Variants in KCNB2 observed in about 807,000 individuals in gnomAD.
The protein encoded by KCNB2 is delayed rectifier potassium channel protein.
In KCNB2, 15 loss-of-function variants were observed where a neutral mutation model predicts 61.5. That is an observed-to-expected ratio of 0.24 (90% CI 0.16 to 0.38). The LOEUF (loss-of-function observed/expected upper bound fraction) is 0.38. KCNB2 is among the 10% of genes least tolerant of loss of function. The pLI is 1.00. For synonymous variants in KCNB2, 457 were observed against 446.0 expected (o/e 1.02, Z -0.31); for missense variants, 828 against 1,125.2 (o/e 0.74, Z 3.78).
At chr8:72,799,319 C>G (rs1809084457) in intron 2 of KCNB2, among the ~76,000 whole-genome samples, 3 of 152,108 alleles carry the variant, frequency 2.0e-5, no homozygotes, top group Admixed American at 6.6e-5. Flanking sequence ...CTCCTGACCC[C>G]CATCTAAAAA....
chr8:72,713,874 G>A (rs1391339839), intron 2 of KCNB2, among the ~76,000 whole-genome samples: 1 of 152,126 alleles, frequency 6.6e-6, no homozygotes, highest in Non-Finnish European at 1.5e-5. Context: ...GCTAAAGGAG[G>A]AAGTTCGAAA....
chr8:72,738,594 G>A (rs1375660092), intron 2 of KCNB2, among the ~76,000 whole-genome samples: 1 of 152,158 alleles, frequency 6.6e-6, no homozygotes, highest in East Asian at 1.9e-4. Flanking sequence ...AATGTGGGGA[G>A]CCACATAAAG....
chr8:72,779,407 C>A (rs1400110739), intron 2 of KCNB2, among the ~76,000 whole-genome samples: 1 of 152,138 alleles, frequency 6.6e-6, no homozygotes, highest in African/African-American at 2.4e-5. Context: ...ATTTCTTGGG[C>A]AGAATGTCCA....
intron 2 of KCNB2, among the ~76,000 whole-genome samples, chr8:72,843,919 G>A (rs553042253): frequency 1.3e-5 from 2 of 152,208 alleles, no homozygotes; most frequent in East Asian, 1.9e-4. Flanking sequence ...TTTAACTGGG[G>A]CATTTAGCCC....
intron 2 of KCNB2, among the ~76,000 whole-genome samples, chr8:72,712,069 A>G (rs1425428116): frequency 1.3e-5 from 2 of 152,236 alleles, no homozygotes; most frequent in African/African-American, 2.4e-5. Context: ...TTCTAAATGT[A>G]TGCTCAAATA....
In KCNB2 at chr8:72,619,593, T is replaced by C. The variant is rs970978202; in HGVS notation, c.579+51280T>C. ...CTTTCTCCTCCTGGGGCTCCATAGC[T>C]GCCACTCCTGCCACTTCACACGGAA... On this transcript the variant is annotated intron_variant, in intron 2 of 2. Coordinates refer to ENST00000523207, the MANE Select transcript of KCNB2 (RefSeq NM_004770.3). Among the ~76,000 whole-genome samples the C allele has an allele frequency of 8.6e-5, 13 of 151,988 alleles. No individual in the cohort carries two copies. In the East Asian group the frequency reaches 2.5e-3, roughly 29 times the overall value.
At chr8:72,561,748 T>C (rs1229870678) in intron 1 of KCNB2, among the ~76,000 whole-genome samples, 2 of 25,850 alleles carry the variant, frequency 7.7e-5, no homozygotes, top group African/African-American at 3.0e-4. Flanking sequence ...TATATATATG[T>C]ATATATATAT....
chr8:72,799,360 A>G (rs912582042), intron 2 of KCNB2, among the ~76,000 whole-genome samples: 2 of 152,154 alleles, frequency 1.3e-5, no homozygotes, highest in African/African-American at 4.8e-5. Flanking sequence ...ATACGCATTA[A>G]GGACTCAACT....
chr8:72,839,292 C>T (rs952932884), intron 2 of KCNB2, among the ~76,000 whole-genome samples: 1 of 152,116 alleles, frequency 6.6e-6, no homozygotes, highest in South Asian at 2.1e-4. Flanking sequence ...CAAGAAAGAA[C>T]ACAAATTTAC....
chr8:72,644,813 T>C (rs1263218689), intron 2 of KCNB2, among the ~76,000 whole-genome samples: 4 of 152,180 alleles, frequency 2.6e-5, no homozygotes, highest in African/African-American at 9.7e-5. Context: ...TTGTTTCTCT[T>C]GCTTTACAAA....
chr8:72,903,315 C>A (rs1451602126), intron 2 of KCNB2, among the ~76,000 whole-genome samples: 1 of 152,094 alleles, frequency 6.6e-6, no homozygotes, highest in Non-Finnish European at 1.5e-5. Flanking sequence ...GAGGTTGAGT[C>A]CTGGCAGGGA....
chr8:72,593,257 GTATTT>G (rs1314461384), intron 2 of KCNB2, among the ~76,000 whole-genome samples: 1 of 152,128 alleles, frequency 6.6e-6, no homozygotes, highest in Non-Finnish European at 1.5e-5. Flanking sequence ...GTGGAGAGAA[GTATTT>G]TAAAGTATAA....
At chr8:72,825,333 T>C (rs978081926) in intron 2 of KCNB2, among the ~76,000 whole-genome samples, 1 of 152,208 alleles carries the variant, frequency 6.6e-6, no homozygotes, top group African/African-American at 2.4e-5. Context: ...TTTTTGTATG[T>C]GTAAGTAATG....
intron 2 of KCNB2, among the ~76,000 whole-genome samples, chr8:72,682,188 T>G (rs1047924223): frequency 1.3e-5 from 2 of 152,140 alleles, no homozygotes; most frequent in Admixed American, 6.5e-5. Context: ...TTGAAATACA[T>G]TATACTGTGT....
chr8:72,686,860 G>A (rs574865059), intron 2 of KCNB2, among the ~76,000 whole-genome samples: 2 of 152,254 alleles, frequency 1.3e-5, no homozygotes, highest in South Asian at 4.1e-4. Context: ...TTAAATGTAT[G>A]ACCTAAATAG....
chr8:72,757,899 A>C (rs953004137), intron 2 of KCNB2, among the ~76,000 whole-genome samples: 32 of 152,324 alleles, frequency 2.1e-4, no homozygotes, highest in Non-Finnish European at 3.7e-4. Flanking sequence ...CTTCAAGTTC[A>C]AAGGTTACAA....
intron 2 of KCNB2, among the ~76,000 whole-genome samples, chr8:72,860,858 A>T (rs541359519): frequency 2.0e-5 from 3 of 152,326 alleles, no homozygotes; most frequent in African/African-American, 7.2e-5. Flanking sequence ...TTGAAGGAAA[A>T]GTTTCCAATT....
intron 2 of KCNB2, among the ~76,000 whole-genome samples, chr8:72,890,007 A>T (rs1393020573): frequency 1.3e-5 from 2 of 152,130 alleles, no homozygotes; most frequent in Non-Finnish European, 2.9e-5. Flanking sequence ...TTAGCCTCCC[A>T]AAGTGCTAGG....
At chr8:72,715,921 T>C (rs1243984945) in intron 2 of KCNB2, among the ~76,000 whole-genome samples, 1 of 151,932 alleles carries the variant, frequency 6.6e-6, no homozygotes, top group African/African-American at 2.4e-5. Flanking sequence ...CTAGCAAGAC[T>C]AATAAAGAAG....
Sources: allele counts gnomAD v4.1 joint callset (sites outside exome capture counted in the v4.1 genomes callset), GRCh38; gene constraint gnomAD v4.1.1; transcripts MANE v1.5; gene names NCBI Gene and HGNC (gene_info 2026-07-23, HGNC 2026-07-21).